Variants in MTNR1A observed in about 807,000 individuals in gnomAD.
The protein encoded by MTNR1A is melatonin receptor type 1A.
In MTNR1A, 7 loss-of-function variants were observed where a neutral mutation model predicts 5.5. The observed-to-expected ratio is 1.28, with a 90% CI of 0.73 to 2.40. The LOEUF (loss-of-function observed/expected upper bound fraction) is 2.40, where lower values mean the gene tolerates loss of function less well. Among genes scored for constraint, MTNR1A ranks in the 30% most tolerant of loss-of-function variants. The probability of loss-of-function intolerance (pLI) is 0.00; values close to 1 mark genes in which losing one functional copy is unlikely to be tolerated. For synonymous variants in MTNR1A, 196 were observed against 202.7 expected (o/e 0.97, Z 0.28); for missense variants, 441 against 464.4 (o/e 0.95, Z 0.46).
chr4:186,543,927 T>A (rs1292245485), intron 1 of MTNR1A, among the ~76,000 whole-genome samples: 1 of 152,202 alleles, frequency 6.6e-6, no homozygotes, highest in Non-Finnish European at 1.5e-5. Context: ...AGAATTCTGT[T>A]TTCTGCATAA....
At chr4:186,540,512 C>T (rs534901297) in intron 1 of MTNR1A, among the ~76,000 whole-genome samples, 1 of 152,360 alleles carries the variant, frequency 6.6e-6, no homozygotes, top group South Asian at 2.1e-4. Context: ...AATCTGTGCT[C>T]TCCTTTGCAG....
intron 1 of MTNR1A, among the ~76,000 whole-genome samples, chr4:186,535,804 A>G (rs998883943): frequency 3.3e-5 from 5 of 152,106 alleles, no homozygotes; most frequent in African/African-American, 1.2e-4. Context: ...TCTGCCTCGA[A>G]TGGCTCCTCA....
Position 186,534,355 on chromosome 4 carries a change from G to T in MTNR1A, c.387C>A (p.Ile129=). ...TGIAINRYCY[I]CHSLKYDKLY... ...GTTTGTCGTACTTGAGACTGTGGCA[G>T]ATGTAGCAGTAGCGGTTGATGGCGA... The change falls in exon 2 of 2, where the codon ATC becomes ATA. Residue 129 remains isoleucine (I), a synonymous_variant. Transcript: ENST00000307161. The T allele has an allele frequency of 1.9e-6, 3 of 1,614,186 alleles. No homozygotes were observed. The highest frequency in any genetic ancestry group is 2.5e-6 in the Non-Finnish European group (3 of 1,180,028).
At chr4:186,552,159 T>C (rs1334521544) in intron 1 of MTNR1A, among the ~76,000 whole-genome samples, 2 of 152,188 alleles carry the variant, frequency 1.3e-5, no homozygotes, top group Non-Finnish European at 2.9e-5. Context: ...GCACAAAAGG[T>C]TGTGCTTGTT....
intron 1 of MTNR1A, among the ~76,000 whole-genome samples, chr4:186,543,865 C>T (rs1163174184): frequency 3.3e-5 from 5 of 152,162 alleles, no homozygotes; most frequent in African/African-American, 1.2e-4. Flanking sequence ...AAGGGGTGGA[C>T]TGTGTTGAAT....
chr4:186,544,435 T>C (rs1432206674), intron 1 of MTNR1A, among the ~76,000 whole-genome samples: 2 of 152,240 alleles, frequency 1.3e-5, no homozygotes, highest in Non-Finnish European at 1.5e-5. Flanking sequence ...TCTTACCTTT[T>C]ATCAGTCATT....
rs1309802252 is a variant in MTNR1A at position 186,533,888 on chromosome 4, T to A, written c.854A>T (p.Tyr285Phe). The change falls in exon 2 of 2, where the codon TAT becomes TTT. Residue 285 changes from tyrosine to phenylalanine, a missense_variant. Coordinates refer to ENST00000307161, the MANE Select transcript of MTNR1A (RefSeq NM_005958.4). ...AATGGCATTGAGGCAGCTGTTGAAATACGCCATGTAGTAACTGGCCACAAA... is the reference window on the plus strand; with the variant it reads ...AATGGCATTGAGGCAGCTGTTGAAAAACGCCATGTAGTAACTGGCCACAAA... ...WLFVASYYMAYFNSCLNAIIY... is the reference protein window; with the variant it reads ...WLFVASYYMAFFNSCLNAIIY... The A allele has an allele frequency of 4.3e-6, 7 of 1,613,972 alleles. No homozygotes were observed. The African/African-American group carries it at 5.3e-5, about 12-fold the overall frequency.
At chr4:186,548,745 A>G (rs1267002978) in intron 1 of MTNR1A, among the ~76,000 whole-genome samples, 1 of 149,718 alleles carries the variant, frequency 6.7e-6, no homozygotes, top group Non-Finnish European at 1.5e-5. Flanking sequence ...AGAGGGACAC[A>G]TCCCAAAAAA....
chr4:186,540,072 C>T (rs1261091419), intron 1 of MTNR1A, among the ~76,000 whole-genome samples: 1 of 152,178 alleles, frequency 6.6e-6, no homozygotes, highest in African/African-American at 2.4e-5. Context: ...ACGTGGATGG[C>T]AGCAGGCAAA....
At chr4:186,545,653 T>C (rs1409606175) in intron 1 of MTNR1A, among the ~76,000 whole-genome samples, 1 of 152,138 alleles carries the variant, frequency 6.6e-6, no homozygotes, top group Non-Finnish European at 1.5e-5. Context: ...GCCTGGACTT[T>C]AACCACGTGG....
intron 1 of MTNR1A, among the ~76,000 whole-genome samples, chr4:186,543,953 A>T (rs62350391): frequency 6.6e-6 from 1 of 152,174 alleles, no homozygotes; most frequent in African/African-American, 2.4e-5. Flanking sequence ...GGATAGCCTC[A>T]CCCACAAAAG....
intron 1 of MTNR1A, among the ~76,000 whole-genome samples, chr4:186,548,565 A>G (rs1032930171): frequency 6.6e-6 from 1 of 151,866 alleles, no homozygotes; most frequent in Admixed American, 6.6e-5. Context: ...TTTAATTCAT[A>G]ATGCACTTTA....
At chr4:186,547,618 C>T (rs1737182911) in intron 1 of MTNR1A, among the ~76,000 whole-genome samples, 1 of 152,212 alleles carries the variant, frequency 6.6e-6, no homozygotes, top group South Asian at 2.1e-4. Flanking sequence ...CTCTCTCTCT[C>T]TATCCCACTC....
Position 186,534,203 on chromosome 4 carries a change from G to A in MTNR1A, c.539C>T (p.Ala180Val), listed in dbSNP as rs1249565741. 6.2e-7 allele frequency: 1 copy of A among 1,613,838 alleles called. No individual in the cohort carries two copies. Among genetic ancestry groups the A allele is most frequent in the African/African-American group, 1.3e-5 (1 of 74,902 alleles). The stretch of plus-strand genomic sequence containing the variant: ...GGTGTAGGCGGAGCTGACGGACTGG[G>A]CGAAGGTGCACGAGTAGATCCTCGG... ...YDPRIYSCTF[A>V]QSVSSAYTIA... is the part of the protein sequence containing the mutation. Residue 180 changes from alanine (A) to valine (V), a missense_variant, in exon 2 of 2, where the codon GCC (alanine) becomes GTC (valine). Coordinates refer to ENST00000307161, the MANE Select transcript of MTNR1A (RefSeq NM_005958.4).
rs115921455 is a variant in MTNR1A, at chr4:186,536,757, T to C, written c.185-2200A>G. Among the ~76,000 whole-genome samples, 431 of 152,338 alleles carry C rather than the reference T, an allele frequency of 2.8e-3. 1 individual carries two copies. The highest frequency in any genetic ancestry group is 0.01 in the African/African-American group (417 of 41,574). The stretch of plus-strand genomic sequence containing the variant: ...GTCATAAAAGCAAATACTTTAAAAA[T>C]TGGTTGTATTCATCCAAATTAAAGT... On this transcript the variant is annotated intron_variant, in intron 1 of 1. Transcript: ENST00000307161.
chr4:186,553,491 G>A lies in MTNR1A; in HGVS notation c.184+1691C>T, dbSNP rs114664946. On this transcript the variant is annotated intron_variant, in intron 1 of 1. Coordinates refer to ENST00000307161, the MANE Select transcript of MTNR1A (RefSeq NM_005958.4). ...ACACAAGAAGTAAAATTGTTCAGGC[G>A]TGATCATTTTTTACTTTTTATTTTA... Among the ~76,000 whole-genome samples the A allele has an allele frequency of 2.9e-3, 440 of 152,216 alleles. 1 individual carries two copies. The highest frequency in any genetic ancestry group is 1.0e-2 in the African/African-American group (415 of 41,536).
rs1191827345 is a variant in MTNR1A at position 186,555,359 on chromosome 4, C to T, written c.7G>A (p.Gly3Ser). 2 of 1,528,784 alleles carry T rather than the reference C, an allele frequency of 1.3e-6. No individual in the cohort carries two copies. Among genetic ancestry groups the T allele is most frequent in the Non-Finnish European group, 1.8e-6 (2 of 1,137,832 alleles). 94.7% of individuals were successfully genotyped at this position (1,528,784 alleles called of 1,614,324 possible). The change falls in exon 1 of 2, where the codon GGC (glycine) becomes AGC (serine). Residue 3 changes from glycine to serine, a missense_variant. Gly to Ser is a moderately conservative substitution (Grantham distance 56). Coordinates refer to ENST00000307161, the MANE Select transcript of MTNR1A (RefSeq NM_005958.4). This position sits in a 1 kb window ranked among gnomAD's most constrained non-coding sequence, Gnocchi z 4.1. MQGNGSALPNASQ... is the reference protein window; with the variant it reads MQSNGSALPNASQ... ...GCGTTGGGCAGCGCGCTGCCGTTGC[C>T]CTGCATGGTCCCTGTGCGCGTCCCG...
chr4:186,534,159 G>A lies in MTNR1A; in HGVS notation c.583C>T (p.His195Tyr). The part of the protein sequence containing the change: ...SAYTIAVVVF[H>Y]FLVPMIIVIF... ...ACTATGATCATGGGGACGAGGAAGTGGAAAACCACCACGGCGATGGTGTAG... is the reference window on the plus strand; with the variant it reads ...ACTATGATCATGGGGACGAGGAAGTAGAAAACCACCACGGCGATGGTGTAG... Residue 195 changes from histidine (H) to tyrosine (Y), a missense_variant, in exon 2 of 2, where the codon CAC becomes TAC. His to Tyr is a moderately conservative substitution (Grantham distance 83). Transcript: ENST00000307161. 6.2e-7 allele frequency: 1 copy of A among 1,613,510 alleles called. No individual in the cohort carries two copies. The highest frequency in any genetic ancestry group is 8.5e-7 in the Non-Finnish European group (1 of 1,179,470).
chr4:186,551,987 T>A (rs1737274789), intron 1 of MTNR1A, among the ~76,000 whole-genome samples: 1 of 152,160 alleles, frequency 6.6e-6, no homozygotes, highest in South Asian at 2.1e-4. Flanking sequence ...ACAGGTATCT[T>A]TCTAAAATGT....
Sources: gnomAD v4.1 joint callset for allele counts (sites outside exome capture counted in the v4.1 genomes callset) on GRCh38, gnomAD v4.1.1 for gene constraint, Gnocchi (gnomAD v3.1) non-coding constraint, MANE v1.5 for transcripts, NCBI Gene and HGNC (gene_info 2026-07-23, HGNC 2026-07-21) for gene names.